NOS1AP: variants seen among roughly 807,000 people sequenced by gnomAD.
The protein encoded by NOS1AP is nitric oxide synthase 1 adaptor protein, also known as carboxyl-terminal PDZ ligand of neuronal nitric oxide synthase protein.
In NOS1AP, 21 loss-of-function variants were observed where a neutral mutation model predicts 56.2. The observed-to-expected ratio is 0.37, with a 90% CI of 0.26 to 0.54. The LOEUF (loss-of-function observed/expected upper bound fraction) is 0.54. Ranked by LOEUF, NOS1AP falls within the 20% of genes least tolerant of loss-of-function variation. The pLI is 0.84. For missense variants in NOS1AP, 522 were observed against 657.8 expected (o/e 0.79, Z 2.26); for synonymous variants, 270 against 274.6 (o/e 0.98, Z 0.17).
chr1:162,226,550 A>G (rs568702619), intron 2 of NOS1AP, among the ~76,000 whole-genome samples: 1 of 152,314 alleles, frequency 6.6e-6, no homozygotes, highest in East Asian at 1.9e-4. Flanking sequence ...TGATGAGTGC[A>G]ATGAAGGATT....
intron 1 of NOS1AP, among the ~76,000 whole-genome samples, chr1:162,099,223 G>A (rs1448869136): frequency 2.8e-5 from 4 of 145,040 alleles, no homozygotes; most frequent in East Asian, 4.0e-4. Flanking sequence ...ATGGAGTCTC[G>A]CTCTGCCAGG....
chr1:162,143,599 C>G (rs948707232), intron 1 of NOS1AP, among the ~76,000 whole-genome samples: 1 of 152,102 alleles, frequency 6.6e-6, no homozygotes, highest in Non-Finnish European at 1.5e-5. Flanking sequence ...GCACTACAAG[C>G]GTGTACCACC....
At chr1:162,247,745 A>C (rs1423542142) in intron 2 of NOS1AP, among the ~76,000 whole-genome samples, 1 of 152,058 alleles carries the variant, frequency 6.6e-6, no homozygotes, top group Non-Finnish European at 1.5e-5. Context: ...AGCCTTTCCT[A>C]CAGCTTCAGC....
chr1:162,289,265 CTTCCTTCCTTCCTTTCCTTCCTTCCTT>C, intron 3 of NOS1AP, among the ~76,000 whole-genome samples: 1 of 62,544 alleles, frequency 1.6e-5, no homozygotes, highest in South Asian at 5.5e-4. Context: ...TCCTTCCTTC[CTTCCTTCCTTCCTTTCCTTCCTTCCTT>C]CTTCCTTCTT....
chr1:162,134,220 G>A (rs1215286006), intron 1 of NOS1AP, among the ~76,000 whole-genome samples: 3 of 152,162 alleles, frequency 2.0e-5, no homozygotes, highest in African/African-American at 7.2e-5. Flanking sequence ...GCTGGGCGCA[G>A]TGGCTCACAC....
chr1:162,203,273 T>C (rs1401221600), intron 2 of NOS1AP, among the ~76,000 whole-genome samples: 2 of 152,248 alleles, frequency 1.3e-5, no homozygotes, highest in African/African-American at 4.8e-5. Flanking sequence ...TCCGTCTGTC[T>C]GTTCATTCCT....
chr1:162,103,707 CT>C (rs1437289523), intron 1 of NOS1AP, among the ~76,000 whole-genome samples: 3 of 152,184 alleles, frequency 2.0e-5, no homozygotes, highest in African/African-American at 4.8e-5. Flanking sequence ...CTTTTTTGAT[CT>C]TTGTTGCTTT....
chr1:162,120,707 A>G (rs1436635009), intron 1 of NOS1AP, among the ~76,000 whole-genome samples: 1 of 152,218 alleles, frequency 6.6e-6, no homozygotes, highest in Non-Finnish European at 1.5e-5. Context: ...TGATTCGATT[A>G]TCTCCCACTG....
At chr1:162,143,342 T>C (rs1430496173) in intron 1 of NOS1AP, among the ~76,000 whole-genome samples, 1 of 152,202 alleles carries the variant, frequency 6.6e-6, no homozygotes, top group Non-Finnish European at 1.5e-5. Context: ...TATTAGTCTA[T>C]GAGAATTCAA....
chr1:162,161,621 C>G (rs571967694), intron 2 of NOS1AP, among the ~76,000 whole-genome samples: 1 of 151,906 alleles, frequency 6.6e-6, no homozygotes, highest in African/African-American at 2.4e-5. Flanking sequence ...GAGATGGGCT[C>G]TTGCTCTGTC....
intron 8 of NOS1AP, chr1:162,365,156 G>A: frequency 2.8e-6 from 4 of 1,418,934 alleles, no homozygotes; most frequent in Non-Finnish European, 3.7e-6. Context: ...CCTTGGTATG[G>A]GTACCTTAGT....
chr1:162,287,017 C>G (rs1440630786), intron 2 of NOS1AP, among the ~76,000 whole-genome samples: 1 of 152,052 alleles, frequency 6.6e-6, no homozygotes, highest in Non-Finnish European at 1.5e-5. Context: ...CTTGCCTGAC[C>G]GTGGAAGTCA....
At chr1:162,123,216 A>C (rs967951085) in intron 1 of NOS1AP, among the ~76,000 whole-genome samples, 2 of 152,198 alleles carry the variant, frequency 1.3e-5, no homozygotes, top group Admixed American at 1.3e-4. Context: ...CTACTAACAT[A>C]GTATATTCAG....
At chr1:162,320,497 T>C (rs1038183958) in intron 4 of NOS1AP, among the ~76,000 whole-genome samples, 56 of 152,176 alleles carry the variant, frequency 3.7e-4, no homozygotes, top group African/African-American at 1.3e-3. Context: ...AGAGGAAGGG[T>C]CCTTACATGC....
chr1:162,359,563 T>A (rs897406377), intron 8 of NOS1AP, among the ~76,000 whole-genome samples: 1 of 152,230 alleles, frequency 6.6e-6, no homozygotes, highest in Non-Finnish European at 1.5e-5. Flanking sequence ...TTCTTCCACT[T>A]TCTTTGTAGT....
chr1:162,292,127 C>T (rs907864515), intron 3 of NOS1AP, among the ~76,000 whole-genome samples: 3 of 152,200 alleles, frequency 2.0e-5, no homozygotes, highest in Non-Finnish European at 4.4e-5. Context: ...GTTCAAGGAT[C>T]TGCATAGGTT....
At chr1:162,187,267 A>G (rs1651468838) in intron 2 of NOS1AP, among the ~76,000 whole-genome samples, 1 of 152,168 alleles carries the variant, frequency 6.6e-6, no homozygotes. Flanking sequence ...ACATTCAGCC[A>G]CCATGCATAA....
intron 5 of NOS1AP, among the ~76,000 whole-genome samples, chr1:162,339,225 A>G (rs916951738): frequency 4.6e-5 from 7 of 152,178 alleles, no homozygotes; most frequent in African/African-American, 1.7e-4. Context: ...AAAATATCAA[A>G]GCAACCATAT....
intron 2 of NOS1AP, among the ~76,000 whole-genome samples, chr1:162,182,730 C>T (rs11808026): frequency 0.19 from 29,532 of 152,106 alleles, 3,051 homozygotes; most frequent in East Asian, 0.37. Flanking sequence ...ATTTGCTCAT[C>T]CCTAAGAAGC....
Sources: gnomAD v4.1 joint callset for allele counts (sites outside exome capture counted in the v4.1 genomes callset) on GRCh38, gnomAD v4.1.1 for gene constraint, MANE v1.5 for transcripts, NCBI Gene and HGNC (gene_info 2026-07-23, HGNC 2026-07-21) for gene names.